SLC24A2: variants seen among roughly 807,000 people sequenced by gnomAD.
SLC24A2 encodes solute carrier family 24 member 2.
SLC24A2 carries 36 observed loss-of-function variants against 62.0 expected under a neutral mutation model. The observed-to-expected ratio is 0.58, with a 90% CI of 0.44 to 0.77. SLC24A2 has a LOEUF of 0.77. Among genes scored for constraint, SLC24A2 ranks in the 30% least tolerant of loss-of-function variants. The pLI, the probability that SLC24A2 is intolerant of heterozygous loss-of-function variation, is 0.00. For missense variants in SLC24A2, 846 were observed against 817.9 expected (o/e 1.03, Z -0.42); for synonymous variants, 358 against 294.0 (o/e 1.22, Z -2.23).
At chr9:19,821,759 T>C in the SLC24A2 span, among the ~76,000 whole-genome samples, 1 of 152,156 alleles carries the variant, frequency 6.6e-6, no homozygotes, top group African/African-American at 2.4e-5. Context: ...GGAAGCAAGG[T>C]TATGTGCATG....
At chr9:19,981,482 C>T in the SLC24A2 span, among the ~76,000 whole-genome samples, 1 of 152,104 alleles carries the variant, frequency 6.6e-6, no homozygotes, top group African/African-American at 2.4e-5. Flanking sequence ...GGAATATTTG[C>T]TCTAGCATTT....
the SLC24A2 span, among the ~76,000 whole-genome samples, chr9:20,024,752 G>A: frequency 6.6e-6 from 1 of 152,146 alleles, no homozygotes; most frequent in African/African-American, 2.4e-5. Context: ...ACAAAGTCGG[G>A]GTGAGGTGGG....
chr9:19,724,227 T>C (rs1314212237), intron 2 of SLC24A2, among the ~76,000 whole-genome samples: 3 of 152,186 alleles, frequency 2.0e-5, no homozygotes, highest in African/African-American at 4.8e-5. Flanking sequence ...GTTTGGTGGA[T>C]ACAGAATCAT....
intron 10 of SLC24A2, among the ~76,000 whole-genome samples, chr9:19,517,910 AACACACACAC>A (rs56840950): frequency 0.026 from 3,400 of 131,676 alleles, 110 homozygotes; most frequent in African/African-American, 0.077. Context: ...TTCTTATTAA[AACACACACAC>A]ACACACACAC....
At chr9:20,221,539 G>C in the SLC24A2 span, among the ~76,000 whole-genome samples, 21 of 151,810 alleles carry the variant, frequency 1.4e-4, no homozygotes, top group Admixed American at 7.9e-4. Context: ...AAAAGGGAAG[G>C]AGAAAAGAAA....
Position 19,786,481 on chromosome 9 carries a change from T to C in SLC24A2, c.386A>G (p.Glu129Gly), listed in dbSNP as rs749967092. 1.2e-5 allele frequency: 20 copies of C among 1,614,042 alleles called. 1 individual carries two copies. In the Admixed American group the frequency reaches 2.8e-4, roughly 23 times the overall value. The change falls in exon 2 of 11, where the codon GAG becomes GGG. Residue 129 changes from glutamate to glycine, a missense_variant. By Grantham distance (98) the Glu-to-Gly change is moderately conservative. Transcript: ENST00000341998. The surrounding 1 kb of genome is among the most constrained non-coding windows in gnomAD (Gnocchi z 5.0). ...CAGAATGATCGCACCTTTTCTTCTCTCCTCAAGGGAAAAGATGTCTTTCGG... is the reference window on the plus strand; with the variant it reads ...CAGAATGATCGCACCTTTTCTTCTCCCCTCAAGGGAAAAGATGTCTTTCGG... ...DYPKDIFSLE[E>G]RRKGAIILHV...
chr9:19,593,792 C>T (rs745583023), intron 5 of SLC24A2, among the ~76,000 whole-genome samples: 1 of 152,146 alleles, frequency 6.6e-6, no homozygotes, highest in Non-Finnish European at 1.5e-5. Context: ...TCAGGGTCTG[C>T]ATCACCACTT....
chr9:19,942,023 C>T, the SLC24A2 span, among the ~76,000 whole-genome samples: 1 of 152,102 alleles, frequency 6.6e-6, no homozygotes, highest in Admixed American at 6.5e-5. Context: ...AAAAATCTTA[C>T]ATTATGTTTT....
At chr9:19,543,191 T>C (rs943029701) in intron 8 of SLC24A2, among the ~76,000 whole-genome samples, 4 of 152,224 alleles carry the variant, frequency 2.6e-5, no homozygotes, top group African/African-American at 9.7e-5. Flanking sequence ...ATCCATTTCT[T>C]CTAGATTTTC....
the SLC24A2 span, among the ~76,000 whole-genome samples, chr9:19,858,455 T>C: frequency 6.6e-6 from 1 of 152,220 alleles, no homozygotes; most frequent in South Asian, 2.1e-4. Flanking sequence ...CAAGATTTCA[T>C]GACCAAGATG....
At chr9:20,165,084 T>C in the SLC24A2 span, among the ~76,000 whole-genome samples, 10 of 151,542 alleles carry the variant, frequency 6.6e-5, no homozygotes, top group South Asian at 4.2e-4. Context: ...TGTATACATA[T>C]GTAACTAACC....
the SLC24A2 span, among the ~76,000 whole-genome samples, chr9:20,192,917 C>G: frequency 2.4e-3 from 365 of 152,240 alleles, 2 homozygotes; most frequent in African/African-American, 6.6e-3. Context: ...TTAATTAGAT[C>G]AAAGCCTCAG....
intron 2 of SLC24A2, among the ~76,000 whole-genome samples, chr9:19,736,915 TATA>T (rs1821528064): frequency 6.6e-6 from 1 of 152,228 alleles, no homozygotes; most frequent in Non-Finnish European, 1.5e-5. Flanking sequence ...ATTCTCAATT[TATA>T]ATGTCTAATA....
intron 2 of SLC24A2, among the ~76,000 whole-genome samples, chr9:19,743,126 A>T (rs1212068988): frequency 6.7e-6 from 1 of 148,966 alleles, no homozygotes; most frequent in Non-Finnish European, 1.5e-5. Flanking sequence ...CTATCTTACA[A>T]GACAACAGCT....
chr9:20,200,855 G>C, the SLC24A2 span, among the ~76,000 whole-genome samples: 7 of 152,202 alleles, frequency 4.6e-5, no homozygotes, highest in Non-Finnish European at 7.3e-5. Context: ...GTAGTGTTAT[G>C]GTTCAGGTAA....
At chr9:19,793,030 CAA>C (rs1479213792), upstream of SLC24A2, among the ~76,000 whole-genome samples, 1 of 152,174 alleles carries the variant, frequency 6.6e-6, no homozygotes, top group Non-Finnish European at 1.5e-5. Flanking sequence ...CCCGTGAGAA[CAA>C]AGAGTCAGTA....
At chr9:19,528,668 T>G (rs547772923) in intron 8 of SLC24A2, among the ~76,000 whole-genome samples, 2 of 152,098 alleles carry the variant, frequency 1.3e-5, no homozygotes, top group Non-Finnish European at 2.9e-5. Context: ...TACCACAAAT[T>G]ATCAAGAAAG....
chr9:20,259,726 G>A, the SLC24A2 span, among the ~76,000 whole-genome samples: 1 of 152,096 alleles, frequency 6.6e-6, no homozygotes, highest in African/African-American at 2.4e-5. Context: ...GTCCCCAATA[G>A]CTATGATTTG....
At chr9:20,223,006 A>T in the SLC24A2 span, among the ~76,000 whole-genome samples, 1 of 152,060 alleles carries the variant, frequency 6.6e-6, no homozygotes, top group African/African-American at 2.4e-5. Flanking sequence ...ATGATTATCT[A>T]GGAAATAAAA....
Sources: allele counts gnomAD v4.1 joint callset (sites outside exome capture counted in the v4.1 genomes callset), GRCh38; gene constraint gnomAD v4.1.1; non-coding constraint Gnocchi (gnomAD v3.1); transcripts MANE v1.5; gene names NCBI Gene and HGNC (gene_info 2026-07-23, HGNC 2026-07-21).